CSMD1: variants seen among roughly 807,000 people sequenced by gnomAD.
The protein encoded by CSMD1 is CUB and sushi domain-containing protein 1.
A neutral mutation model predicts 417.5 loss-of-function variants in CSMD1; 213 were observed. The ratio of observed to expected loss-of-function variants is 0.51; its 90% CI spans 0.46 to 0.57. CSMD1 has a LOEUF of 0.57. Among genes scored for constraint, CSMD1 ranks in the 20% least tolerant of loss-of-function variants. The probability of loss-of-function intolerance (pLI) is 0.00; values close to 1 mark genes in which losing one functional copy is unlikely to be tolerated. For synonymous variants in CSMD1, 2,862 were observed against 1,736.8 expected, an observed-to-expected ratio of 1.65 and a Z score of -16.11; for missense variants, 6,923 against 4,529.7, an observed-to-expected ratio of 1.53 and a Z score of -15.17.
At chr8:3,654,195 T>G (rs150409553) in intron 7 of CSMD1, among the ~76,000 whole-genome samples, 105 of 152,356 alleles carry the variant, frequency 6.9e-4, no homozygotes, top group African/African-American at 2.5e-3. Context: ...AGCAGTGTTT[T>G]AATATTTACC....
At position 3,583,056 on chromosome 8, in the gene CSMD1, A is replaced by T. The variant is rs986945; in HGVS notation, c.1222+3080T>A. 1.1e-4 allele frequency among the ~76,000 whole-genome samples: 17 copies of T among 151,974 alleles called. No homozygotes were observed. In the East Asian group the frequency reaches 3.3e-3, roughly 29 times the overall value. On this transcript the variant is annotated intron_variant, in intron 9 of 69. Coordinates refer to ENST00000635120, the MANE Select transcript of CSMD1 (RefSeq NM_033225.6). The stretch of plus-strand genomic sequence containing the variant: ...GGGCTTAGAATTTCCCTTACAGAGC[A>T]ACTCCTGCCTGTGGACAGCAGCTTT...
At chr8:4,854,318 T>A (rs574844515) in intron 1 of CSMD1, among the ~76,000 whole-genome samples, 11 of 152,278 alleles carry the variant, frequency 7.2e-5, no homozygotes, top group African/African-American at 2.4e-4. Flanking sequence ...CCGAGGCAGA[T>A]CCCTCATAAA....
intron 3 of CSMD1, among the ~76,000 whole-genome samples, chr8:4,325,176 A>C (rs551105685): frequency 7.2e-5 from 11 of 152,278 alleles, no homozygotes; most frequent in Admixed American, 6.5e-4. Context: ...AAAAATAAAT[A>C]TAACAAAGGA....
chr8:4,017,097 G>C (rs921053977), intron 4 of CSMD1, among the ~76,000 whole-genome samples: 1 of 152,174 alleles, frequency 6.6e-6, no homozygotes, highest in Non-Finnish European at 1.5e-5. Flanking sequence ...AGTGACCGCG[G>C]TGTTCAGCCA....
chr8:4,723,889 G>A (rs1809239832), intron 1 of CSMD1, among the ~76,000 whole-genome samples: 2 of 151,768 alleles, frequency 1.3e-5, no homozygotes, highest in Admixed American at 6.6e-5. Context: ...CTGTCATAGG[G>A]AATGAGATTT....
At chr8:3,443,203 C>G (rs966715634) in intron 12 of CSMD1, among the ~76,000 whole-genome samples, 11 of 152,148 alleles carry the variant, frequency 7.2e-5, no homozygotes, top group Non-Finnish European at 1.3e-4. Flanking sequence ...ACGCACAAGG[C>G]TATTCATGTC....
In CSMD1 at chr8:4,019,931, A is replaced by C. The variant is rs113596049; in HGVS notation, c.610+11974T>G. Among the ~76,000 whole-genome samples the C allele has an allele frequency of 3.3e-4, 41 of 123,108 alleles. 1 individual carries two copies. The highest frequency in any genetic ancestry group is 3.9e-3 in the Middle Eastern group (1 of 256). 80.8% of individuals were successfully genotyped at this position (123,108 alleles called of 152,430 possible). ...TAATTCATTAAAAAAAAAAAAAAAA[A>C]CCCTTTTTTTTAAGAGCTACCAATA... On this transcript the variant is annotated intron_variant, in intron 4 of 69. Coordinates refer to ENST00000635120, the MANE Select transcript of CSMD1 (RefSeq NM_033225.6).
At chr8:4,714,943 AT>A (rs1463364280) in intron 1 of CSMD1, among the ~76,000 whole-genome samples, 1 of 152,242 alleles carries the variant, frequency 6.6e-6, no homozygotes, top group Non-Finnish European at 1.5e-5. Flanking sequence ...TGTCTAGAGA[AT>A]TCTGCTGCTG....
intron 1 of CSMD1, among the ~76,000 whole-genome samples, chr8:4,938,711 A>G (rs971963870): frequency 7.9e-5 from 12 of 152,214 alleles, no homozygotes; most frequent in Admixed American, 2.0e-4. Flanking sequence ...TAATCTTCTC[A>G]TGATAAATTC....
chr8:3,709,680 G>GTTTGTTTTTTTTTTTTTTTTTTTTTTTT (rs1801387652), intron 6 of CSMD1, among the ~76,000 whole-genome samples: 1 of 33,694 alleles, frequency 3.0e-5, no homozygotes, highest in Admixed American at 4.7e-4. Flanking sequence ...GCAGCAGCAT[G>GTTTGTTTTTTTTTTTTTTTTTTTTTTTT]TTTTTTTTTT....
chr8:3,546,941 G>A (rs901994932), intron 10 of CSMD1, among the ~76,000 whole-genome samples: 5 of 152,208 alleles, frequency 3.3e-5, no homozygotes, highest in African/African-American at 1.2e-4. Context: ...GATATCAGAG[G>A]TCTTGAGCTG....
intron 3 of CSMD1, among the ~76,000 whole-genome samples, chr8:4,149,977 G>A (rs958778571): frequency 6.6e-6 from 1 of 152,216 alleles, no homozygotes; most frequent in African/African-American, 2.4e-5. Context: ...GTTCAGCACT[G>A]TCACAGAGAA....
At chr8:4,912,377 T>C (rs1031458109) in intron 1 of CSMD1, among the ~76,000 whole-genome samples, 1 of 132,688 alleles carries the variant, frequency 7.5e-6, no homozygotes, top group Non-Finnish European at 1.6e-5. Context: ...TTTTTTTTTC[T>C]TTTCACAGGA....
At chr8:4,631,981 T>G (rs1802542981) in intron 2 of CSMD1, among the ~76,000 whole-genome samples, 1 of 152,234 alleles carries the variant, frequency 6.6e-6, no homozygotes, top group South Asian at 2.1e-4. Context: ...GAGTTTCTCT[T>G]AGACCTTTGA....
At chr8:3,851,518 G>C (rs1803903297) in intron 5 of CSMD1, among the ~76,000 whole-genome samples, 1 of 152,160 alleles carries the variant, frequency 6.6e-6, no homozygotes, top group South Asian at 2.1e-4. Context: ...GGCTCTGTTT[G>C]ATCAGGTGGT....
intron 5 of CSMD1, among the ~76,000 whole-genome samples, chr8:3,831,316 C>G (rs991653902): frequency 3.9e-5 from 6 of 152,116 alleles, no homozygotes; most frequent in Non-Finnish European, 8.8e-5. Flanking sequence ...TGTTGCATTT[C>G]GGACAGCTCC....
chr8:4,631,397 TG>T (rs1331735936), intron 2 of CSMD1, among the ~76,000 whole-genome samples: 253 of 145,622 alleles, frequency 1.7e-3, no homozygotes, highest in African/African-American at 6.4e-3. Flanking sequence ...TACCTTGGTT[TG>T]TTTTTTTTTT....
At chr8:4,571,242 G>A (rs531879837) in intron 2 of CSMD1, among the ~76,000 whole-genome samples, 3 of 152,196 alleles carry the variant, frequency 2.0e-5, no homozygotes, top group East Asian at 3.9e-4. Flanking sequence ...TTAGGGCATC[G>A]ATTTTGGATC....
chr8:3,313,233 C>T (rs1805491373), intron 23 of CSMD1, among the ~76,000 whole-genome samples: 2 of 152,058 alleles, frequency 1.3e-5, no homozygotes, highest in Admixed American at 6.6e-5. Flanking sequence ...TCTAAAACAC[C>T]AAAAGCAATG....
Sources: allele counts gnomAD v4.1 joint callset (sites outside exome capture counted in the v4.1 genomes callset), GRCh38; gene constraint gnomAD v4.1.1; transcripts MANE v1.5; gene names NCBI Gene and HGNC (gene_info 2026-07-23, HGNC 2026-07-21).